Variants in UBA6 observed in about 807,000 individuals in gnomAD.
UBA6 encodes the protein ubiquitin-like modifier-activating enzyme 6.
Under a neutral mutation model 148.3 loss-of-function variants are expected in UBA6, and 87 were observed. The observed-to-expected ratio is 0.59, with a 90% CI of 0.49 to 0.70. UBA6 has a LOEUF of 0.70. Among genes scored for constraint, UBA6 ranks in the 30% least tolerant of loss-of-function variants. The pLI is 0.00. For missense variants in UBA6, 1,186 were observed against 1,241.2 expected (o/e 0.96, Z 0.67); for synonymous variants, 376 against 401.0 (o/e 0.94, Z 0.75).
intron 13 of UBA6, among the ~76,000 whole-genome samples, chr4:67,655,473 G>A (rs1316326797): frequency 6.6e-6 from 1 of 152,148 alleles, no homozygotes; most frequent in Non-Finnish European, 1.5e-5. Flanking sequence ...TAGAAATAAA[G>A]ATGTTCTTTG....
At position 67,626,457 on chromosome 4, in the gene UBA6, A is replaced by G. The variant is rs745697884; in HGVS notation, c.2421T>C (p.Thr807=). The G allele has an allele frequency of 1.9e-6, 3 of 1,609,388 alleles. No individual in the cohort carries two copies. Among genetic ancestry groups the G allele is most frequent in the Admixed American group, 3.4e-5 (2 of 59,618 alleles). ...PSNKVVQTDE[T]ARKPDHVPIS... Reference sequence around the variant, plus strand: ...TAGGAACATGGTCTGGTTTCCTTGCAGTTTCATCTGTTTGAACAACCTTTG... The same window carrying G: ...TAGGAACATGGTCTGGTTTCCTTGCGGTTTCATCTGTTTGAACAACCTTTG... Residue 807 remains threonine (T), a synonymous_variant, in exon 28 of 33, where the codon ACT becomes ACC. Coordinates refer to ENST00000322244, the MANE Select transcript of UBA6 (RefSeq NM_018227.6).
intron 31 of UBA6, 60 bp from the exon 32 acceptor site, chr4:67,622,985 T>C (rs963530127): frequency 3.6e-5 from 52 of 1,441,962 alleles, no homozygotes; most frequent in Non-Finnish European, 4.6e-5. Flanking sequence ...AAAATGCTTA[T>C]TTAACATTGT....
At chr4:67,687,331 A>G (rs1730597379) in intron 2 of UBA6, among the ~76,000 whole-genome samples, 1 of 152,056 alleles carries the variant, frequency 6.6e-6, no homozygotes, top group African/African-American at 2.4e-5. Context: ...ACTGCACCCG[A>G]CCAATATTAT....
chr4:67,630,942 C>A (rs1164381022), intron 25 of UBA6, among the ~76,000 whole-genome samples: 2 of 152,028 alleles, frequency 1.3e-5, no homozygotes, highest in Non-Finnish European at 2.9e-5. Context: ...AAAAGAAAGT[C>A]TTATAGAAGA....
At chr4:67,643,768 T>C (rs1345564777) in intron 17 of UBA6, among the ~76,000 whole-genome samples, 1 of 152,082 alleles carries the variant, frequency 6.6e-6, no homozygotes, top group Non-Finnish European at 1.5e-5. Flanking sequence ...TTATCTTGTT[T>C]TGTTATCTGA....
intron 18 of UBA6, 24 bp downstream of exon 18, chr4:67,641,127 A>G (rs765967222): frequency 2.1e-6 from 3 of 1,449,504 alleles, no homozygotes; most frequent in Non-Finnish European, 2.8e-6. Context: ...CATGATTTAA[A>G]TTTGAAACAG....
intron 13 of UBA6, among the ~76,000 whole-genome samples, chr4:67,655,111 T>C (rs941191137): frequency 4.6e-5 from 7 of 152,152 alleles, no homozygotes; most frequent in Non-Finnish European, 7.3e-5. Flanking sequence ...AACACCCCAC[T>C]GTCAACATTA....
intron 28 of UBA6, 82 bp downstream of exon 28, chr4:67,626,278 T>C: frequency 1.3e-6 from 1 of 789,586 alleles, no homozygotes. Context: ...TGTGATTAAA[T>C]TCCACAAATT....
At position 67,682,745 on chromosome 4, in the gene UBA6, A is replaced by G. The variant is rs560671237; in HGVS notation, c.135-532T>C. Among the ~76,000 whole-genome samples, 8 of 152,342 alleles carry G rather than the reference A, an allele frequency of 5.3e-5. No homozygotes were observed. In the South Asian group the frequency reaches 1.7e-3, roughly 32 times the overall value. On this transcript the variant is annotated intron_variant, in intron 2 of 32. Coordinates refer to ENST00000322244, the MANE Select transcript of UBA6 (RefSeq NM_018227.6). ...TTCAAAAAATATACGTTAGTAATTT[A>G]AAAGTCTGATATAGTAATAAAGTCA...
chr4:67,623,993 C>A, intron 30 of UBA6, 133 bp downstream of exon 30: 1 of 677,612 alleles, frequency 1.5e-6, no homozygotes. Context: ...TTGAGCTGAT[C>A]TTGAAGTGAT....
intron 13 of UBA6, among the ~76,000 whole-genome samples, chr4:67,650,406 C>T (rs1729525354): frequency 6.6e-6 from 1 of 152,040 alleles, no homozygotes; most frequent in Admixed American, 6.6e-5. Flanking sequence ...TTAGGTTATG[C>T]AACCTCCCAG....
intron 19 of UBA6, among the ~76,000 whole-genome samples, chr4:67,637,110 G>A (rs528431340): frequency 2.6e-5 from 4 of 151,040 alleles, no homozygotes; most frequent in African/African-American, 4.9e-5. Context: ...GAGCCCCTCC[G>A]CCCAGCAGCC....
intron 7 of UBA6, among the ~76,000 whole-genome samples, chr4:67,673,340 C>T (rs893722345): frequency 6.7e-6 from 1 of 149,456 alleles, no homozygotes; most frequent in East Asian, 2.0e-4. Context: ...AGCTTGAACC[C>T]GGGAGGCGGA....
intron 27 of UBA6, among the ~76,000 whole-genome samples, chr4:67,628,348 T>C (rs1420489816): frequency 6.6e-6 from 1 of 151,906 alleles, no homozygotes; most frequent in Non-Finnish European, 1.5e-5. Context: ...TCCCCTTGTA[T>C]ATTCTCTTCT....
chr4:67,679,349 CTTTG>C (rs1325029750), intron 4 of UBA6, among the ~76,000 whole-genome samples: 2 of 152,084 alleles, frequency 1.3e-5, no homozygotes, highest in Non-Finnish European at 1.5e-5. Flanking sequence ...CCTGAAAATA[CTTTG>C]TTTAAAAAAT....
chr4:67,670,264 G>A (rs954153165), intron 8 of UBA6, among the ~76,000 whole-genome samples: 3 of 152,162 alleles, frequency 2.0e-5, no homozygotes, highest in African/African-American at 7.2e-5. Flanking sequence ...TTATTTGTTA[G>A]AGAAAATCCA....
At chr4:67,668,766 A>AT in intron 8 of UBA6, 92 bp from the exon 9 acceptor site, 1 of 1,303,812 alleles carries the variant, frequency 7.7e-7, no homozygotes. Context: ...CAAAGTTACC[A>AT]TAAAATTCTC....
intron 13 of UBA6, among the ~76,000 whole-genome samples, chr4:67,651,712 G>A (rs760385134): frequency 6.6e-6 from 1 of 151,980 alleles, no homozygotes; most frequent in Non-Finnish European, 1.5e-5. Context: ...GCCACAATAA[G>A]CAAGACAGGA....
In UBA6 at chr4:67,623,201, A is replaced by T. The variant is rs1728790842; in HGVS notation, c.2862T>A (p.Ile954=). Reference sequence around the variant, plus strand: ...TTCCATGTACGGTCCATCGATCCCAAATTGTAAATGATATTCCATTTCTGT... The same window carrying T: ...TTCCATGTACGGTCCATCGATCCCATATTGTAAATGATATTCCATTTCTGT... ...TKIRNGISFT[I]WDRWTVHGKE... Residue 954 remains isoleucine (I), a synonymous_variant, in exon 31 of 33, where the codon ATT becomes ATA. Transcript: ENST00000322244. 1.2e-6 allele frequency: 2 copies of T among 1,612,286 alleles called. No individual in the cohort carries two copies. Among genetic ancestry groups the T allele is most frequent in the Non-Finnish European group, 1.7e-6 (2 of 1,178,720 alleles).
Sources: gnomAD v4.1 joint callset for allele counts (sites outside exome capture counted in the v4.1 genomes callset) on GRCh38, gnomAD v4.1.1 for gene constraint, MANE v1.5 for transcripts, NCBI Gene and HGNC (gene_info 2026-07-23, HGNC 2026-07-21) for gene names.